SLC24A2: variants seen among roughly 807,000 people sequenced by gnomAD.
SLC24A2 encodes sodium/potassium/calcium exchanger 2.
In SLC24A2, 36 loss-of-function variants were observed where a neutral mutation model predicts 62.0. That is an observed-to-expected ratio of 0.58 (90% CI 0.44 to 0.77). SLC24A2 has a LOEUF of 0.77. SLC24A2 is among the 30% of genes least tolerant of loss of function. The pLI is 0.00. For missense variants in SLC24A2, 846 were observed against 817.9 expected, an observed-to-expected ratio of 1.03 and a Z score of -0.42; for synonymous variants, 358 against 294.0, an observed-to-expected ratio of 1.22 and a Z score of -2.23.
chr9:19,640,904 G>C (rs542761068), intron 2 of SLC24A2, among the ~76,000 whole-genome samples: 8 of 152,266 alleles, frequency 5.3e-5, no homozygotes, highest in African/African-American at 1.9e-4. Flanking sequence ...CCTAATTCCA[G>C]CCCTGGGTGT....
chr9:20,290,393 T>C, the SLC24A2 span, among the ~76,000 whole-genome samples: 1 of 152,246 alleles, frequency 6.6e-6, no homozygotes, highest in South Asian at 2.1e-4. Flanking sequence ...TTGTTTCAAA[T>C]GTATCTCATC....
At chr9:19,518,751 T>C (rs1356014884) in intron 10 of SLC24A2, among the ~76,000 whole-genome samples, 1 of 152,156 alleles carries the variant, frequency 6.6e-6, no homozygotes, top group East Asian at 1.9e-4. Context: ...TCTGTGAGTA[T>C]ATGTTAATTT....
the SLC24A2 span, among the ~76,000 whole-genome samples, chr9:20,300,285 T>C: frequency 6.6e-5 from 10 of 152,208 alleles, no homozygotes; most frequent in Admixed American, 6.5e-4. Flanking sequence ...TATCTTTTAG[T>C]TATTGGACAG....
the SLC24A2 span, among the ~76,000 whole-genome samples, chr9:20,238,847 G>A: frequency 3.9e-5 from 6 of 152,180 alleles, no homozygotes; most frequent in Non-Finnish European, 8.8e-5. Context: ...AGGATGAGGT[G>A]CTAACTTAAT....
the SLC24A2 span, among the ~76,000 whole-genome samples, chr9:20,158,772 GA>G: frequency 6.6e-6 from 1 of 151,426 alleles, no homozygotes; most frequent in African/African-American, 2.4e-5. Context: ...GAGTCTCTGA[GA>G]AAGGAAAAAC....
At chr9:19,881,680 C>A in the SLC24A2 span, among the ~76,000 whole-genome samples, 1 of 152,158 alleles carries the variant, frequency 6.6e-6, no homozygotes, top group South Asian at 2.1e-4. Context: ...ATTGCCAGTA[C>A]TCTTTTAGTA....
chr9:20,213,127 A>C, the SLC24A2 span, among the ~76,000 whole-genome samples: 2 of 151,806 alleles, frequency 1.3e-5, no homozygotes, highest in African/African-American at 2.4e-5. Context: ...ACCATGGCAC[A>C]CATTTACCTA....
intron 2 of SLC24A2, among the ~76,000 whole-genome samples, chr9:19,725,625 G>A (rs1345126267): frequency 6.6e-6 from 1 of 152,048 alleles, no homozygotes; most frequent in Non-Finnish European, 1.5e-5. Flanking sequence ...CTTTTTAAAG[G>A]AAATATGTGC....
At chr9:19,869,112 G>C in the SLC24A2 span, among the ~76,000 whole-genome samples, 1 of 152,058 alleles carries the variant, frequency 6.6e-6, no homozygotes, top group South Asian at 2.1e-4. Flanking sequence ...CTCCCAAGTA[G>C]CTGGGACCAA....
the SLC24A2 span, among the ~76,000 whole-genome samples, chr9:20,083,725 A>G: frequency 3.9e-5 from 6 of 152,218 alleles, no homozygotes; most frequent in African/African-American, 1.4e-4. Context: ...TCTTCGAAAG[A>G]TGACTCCCAC....
At chr9:19,581,249 T>C (rs1411880144) in intron 5 of SLC24A2, among the ~76,000 whole-genome samples, 1 of 152,192 alleles carries the variant, frequency 6.6e-6, no homozygotes, top group Non-Finnish European at 1.5e-5. Context: ...TTTAGATCTT[T>C]CTGCAATTGA....
At chr9:20,168,899 C>G in the SLC24A2 span, among the ~76,000 whole-genome samples, 2 of 152,064 alleles carry the variant, frequency 1.3e-5, no homozygotes, top group African/African-American at 4.8e-5. Context: ...GGCATTTGTT[C>G]GCCAATGTTC....
In SLC24A2 at chr9:19,528,113, G is replaced by A. The variant is rs375949320; in HGVS notation, c.1505C>T (p.Thr502Met). Residue 502 changes from threonine (T) to methionine (M), a missense_variant, in exon 9 of 11, where the codon ACG becomes ATG. By Grantham distance (81) the Thr-to-Met change is moderately conservative. Coordinates refer to ENST00000341998, the MANE Select transcript of SLC24A2 (RefSeq NM_020344.4). ...KPSSRKFFPI[T>M]FFGSITWIAV... ...AATCCAGGTAATGGAGCCAAAGAAC[G>A]TGATGGGAAAAAACTTCCTCGATGA... The A allele has an allele frequency of 8.8e-6, 14 of 1,594,990 alleles. No homozygotes were observed. The highest frequency in any genetic ancestry group is 2.2e-5 in the East Asian group (1 of 44,550).
At chr9:19,634,594 A>G (rs1285805353) in intron 2 of SLC24A2, among the ~76,000 whole-genome samples, 2 of 152,104 alleles carry the variant, frequency 1.3e-5, no homozygotes, top group South Asian at 4.1e-4. Context: ...GGCCAAAACC[A>G]CAGCCTCTTA....
At chr9:19,760,983 A>G (rs1333709078) in intron 2 of SLC24A2, among the ~76,000 whole-genome samples, 1 of 152,186 alleles carries the variant, frequency 6.6e-6, no homozygotes, top group Non-Finnish European at 1.5e-5. Context: ...TAAGGAGTGC[A>G]TCACACCAAC....
intron 2 of SLC24A2, among the ~76,000 whole-genome samples, chr9:19,771,064 T>C (rs567288258): frequency 1.2e-4 from 19 of 152,286 alleles, no homozygotes; most frequent in Non-Finnish European, 2.5e-4. Context: ...AAAGCAAGTA[T>C]TGGGGCTGCC....
At position 19,765,044 on chromosome 9, in the gene SLC24A2, T is replaced by C. The variant is rs551582795; in HGVS notation, c.930+20893A>G. On this transcript the variant is annotated intron_variant, in intron 2 of 10. Transcript: ENST00000341998. ...TGTTGCATTGATCCCTTTACCATTA[T>C]GTAATGACCTTCTTTGTCTTTTCTG... Among the ~76,000 whole-genome samples, 20 of 152,366 alleles carry C rather than the reference T, an allele frequency of 1.3e-4. No homozygotes were observed. In the East Asian group the frequency reaches 3.9e-3, roughly 29 times the overall value.
the SLC24A2 span, among the ~76,000 whole-genome samples, chr9:19,872,899 G>A: frequency 2.6e-5 from 4 of 152,172 alleles, 1 homozygote; most frequent in South Asian, 8.3e-4. Flanking sequence ...AATAAAGTCA[G>A]TCCTGTAGTG....
At chr9:20,031,941 T>C in the SLC24A2 span, among the ~76,000 whole-genome samples, 2 of 152,080 alleles carry the variant, frequency 1.3e-5, no homozygotes, top group Non-Finnish European at 1.5e-5. Context: ...ATCACCGATA[T>C]CAAAATATCA....
Sources: gnomAD v4.1 joint callset for allele counts (sites outside exome capture counted in the v4.1 genomes callset) on GRCh38, gnomAD v4.1.1 for gene constraint, MANE v1.5 for transcripts, NCBI Gene and HGNC (gene_info 2026-07-23, HGNC 2026-07-21) for gene names.